The following PDE4D variants were observed in gnomAD, a reference collection of about 807,000 sequenced individuals.
The protein encoded by PDE4D is 3',5'-cyclic-AMP phosphodiesterase 4D.
A neutral mutation model predicts 87.4 loss-of-function variants in PDE4D; 24 were observed. The ratio of observed to expected loss-of-function variants is 0.27; its 90% CI spans 0.20 to 0.39. The LOEUF is 0.39. Ranked by LOEUF, PDE4D falls within the 10% of genes least tolerant of loss-of-function variation. The pLI is 1.00. For missense variants in PDE4D, 714 were observed against 1,041.0 expected, an observed-to-expected ratio of 0.69 and a Z score of 4.32; for synonymous variants, 384 against 383.2, an observed-to-expected ratio of 1.00 and a Z score of -0.02.
chr5:59,388,904 T>C lies in PDE4D; in HGVS notation c.456-172936A>G, dbSNP rs576259911. ...TGATTTGATCTATCTATATCAATCT[T>C]ATAAAATTGTGTGAGCATGAGGTTT... On this transcript the variant is annotated intron_variant, in intron 1 of 14. Transcript: ENST00000340635. 3.5e-4 allele frequency among the ~76,000 whole-genome samples: 53 copies of C among 152,244 alleles called. 1 individual carries two copies. In the South Asian group the frequency reaches 5.6e-3, roughly 16 times the overall value.
At chr5:59,573,449 C>G (rs1196830270) in intron 1 of PDE4D, among the ~76,000 whole-genome samples, 1 of 152,142 alleles carries the variant, frequency 6.6e-6, no homozygotes, top group Non-Finnish European at 1.5e-5. Flanking sequence ...ACCCCTCACC[C>G]ACCGAACCAC....
chr5:59,970,677 G>A (rs923777822), intron 3 of PDE4D, among the ~76,000 whole-genome samples: 1 of 150,292 alleles, frequency 6.7e-6, no homozygotes, highest in Non-Finnish European at 1.5e-5. Flanking sequence ...ACACCAGTTA[G>A]AATGGTGATC....
At chr5:60,042,913 C>G (rs927311164) in intron 2 of PDE4D, among the ~76,000 whole-genome samples, 2 of 152,006 alleles carry the variant, frequency 1.3e-5, no homozygotes, top group African/African-American at 4.8e-5. Context: ...AACTCCTCAC[C>G]AGCAAGGGAA....
intron 1 of PDE4D, among the ~76,000 whole-genome samples, chr5:59,691,486 T>C (rs534049509): frequency 2.6e-4 from 39 of 147,870 alleles, no homozygotes; most frequent in Non-Finnish European, 4.4e-4. Flanking sequence ...AACCAAACAC[T>C]GCATGTTCTC....
At chr5:59,773,191 C>T (rs1359755732) in intron 1 of PDE4D, among the ~76,000 whole-genome samples, 2 of 152,112 alleles carry the variant, frequency 1.3e-5, no homozygotes, top group African/African-American at 4.8e-5. Context: ...TGCAATCATA[C>T]TTAGGGTGTT....
At chr5:59,565,836 CAT>C (rs1169974200) in intron 1 of PDE4D, among the ~76,000 whole-genome samples, 1 of 152,076 alleles carries the variant, frequency 6.6e-6, no homozygotes, top group Non-Finnish European at 1.5e-5. Context: ...CACCTCCCCT[CAT>C]ATGAGAATTG....
chr5:59,702,394 G>A (rs1752708394), intron 1 of PDE4D, among the ~76,000 whole-genome samples: 1 of 152,040 alleles, frequency 6.6e-6, no homozygotes, highest in Non-Finnish European at 1.5e-5. Context: ...CCAAAGTGCT[G>A]GGATTACAGG....
intron 1 of PDE4D, among the ~76,000 whole-genome samples, chr5:60,361,366 TAATC>T (rs1270896531): frequency 3.9e-5 from 6 of 152,210 alleles, no homozygotes; most frequent in African/African-American, 7.2e-5. Context: ...CTGTGAAAAT[TAATC>T]AATCATTGAT....
At chr5:59,291,987 A>T (rs1768128096) in intron 1 of PDE4D, among the ~76,000 whole-genome samples, 1 of 152,046 alleles carries the variant, frequency 6.6e-6, no homozygotes, top group Non-Finnish European at 1.5e-5. Context: ...TTTTGCAAAA[A>T]AGTTGAGTCT....
chr5:59,369,187 T>C (rs1193666753), intron 1 of PDE4D, among the ~76,000 whole-genome samples: 1 of 152,196 alleles, frequency 6.6e-6, no homozygotes, highest in East Asian at 1.9e-4. Context: ...ATTGTATTCA[T>C]GTGGAAGAGA....
At chr5:59,437,982 C>T (rs1048764205) in intron 1 of PDE4D, among the ~76,000 whole-genome samples, 19 of 152,098 alleles carry the variant, frequency 1.2e-4, no homozygotes, top group African/African-American at 4.6e-4. Context: ...AGAATGAGTG[C>T]CAGCAGGGGA....
At chr5:60,132,797 C>T (rs906500936) in intron 2 of PDE4D, among the ~76,000 whole-genome samples, 1 of 151,922 alleles carries the variant, frequency 6.6e-6, no homozygotes, top group Non-Finnish European at 1.5e-5. Context: ...GCGGAGGTTG[C>T]AGTGAGCCGA....
At chr5:59,454,450 T>C (rs543714979) in intron 1 of PDE4D, among the ~76,000 whole-genome samples, 3 of 152,346 alleles carry the variant, frequency 2.0e-5, no homozygotes, top group East Asian at 1.9e-4. Flanking sequence ...CCGCCATCCA[T>C]GTAAGACGTG....
rs566469794 is a variant in PDE4D, at chr5:59,081,095, A to G, written c.809-42124T>C. ...AATGTATTTGACCAGAACAATGAGG[A>G]AAGAGCATAGAGTCCTGCTATCTTC... On this transcript the variant is annotated intron_variant, in intron 5 of 14. Transcript: ENST00000340635. Among the ~76,000 whole-genome samples the G allele has an allele frequency of 2.0e-5, 3 of 152,278 alleles. No homozygotes were observed. The South Asian group carries it at 6.2e-4, about 32-fold the overall frequency.
At chr5:60,505,922 G>T (rs1344012509) in intron 1 of PDE4D, among the ~76,000 whole-genome samples, 1 of 152,196 alleles carries the variant, frequency 6.6e-6, no homozygotes, top group Non-Finnish European at 1.5e-5. Context: ...TAAAAGTTAT[G>T]CTGCCTGTCT....
intron 2 of PDE4D, among the ~76,000 whole-genome samples, chr5:60,015,576 C>T (rs1438848541): frequency 6.6e-6 from 1 of 152,150 alleles, no homozygotes; most frequent in African/African-American, 2.4e-5. Context: ...TATATGTCAG[C>T]TTGGCTAGCC....
chr5:59,905,489 T>A (rs1421917903), intron 3 of PDE4D, among the ~76,000 whole-genome samples: 2 of 152,104 alleles, frequency 1.3e-5, no homozygotes, highest in Admixed American at 1.3e-4. Context: ...AAGTATGTCA[T>A]TTATCATGGT....
At position 60,138,036 on chromosome 5, in the gene PDE4D, T is replaced by C. The variant is rs370319025; in HGVS notation, c.42+47521A>G. On this transcript the variant is annotated intron_variant, in intron 2 of 16. Transcript: ENST00000502484. Reference sequence around the variant, plus strand: ...CGTTGTCCCAGCACCATTTATTGAATAGGGAATGATTTCCCCATTGCTTGT... The same window carrying C: ...CGTTGTCCCAGCACCATTTATTGAACAGGGAATGATTTCCCCATTGCTTGT... Among the ~76,000 whole-genome samples the C allele has an allele frequency of 2.2e-4, 33 of 152,306 alleles. No homozygotes were observed. The South Asian group carries it at 6.8e-3, about 32-fold the overall frequency.
chr5:60,514,074 AACTGATAAGCCCCTAGTGAG>A (rs1561325997), intron 1 of PDE4D, among the ~76,000 whole-genome samples: 1 of 151,942 alleles, frequency 6.6e-6, no homozygotes, highest in Non-Finnish European at 1.5e-5. Flanking sequence ...TGACTAATAA[AACTGATAAGCCCCTAGTGAG>A]ACTGACTGAT....
Sources: gnomAD v4.1 joint callset for allele counts (sites outside exome capture counted in the v4.1 genomes callset) on GRCh38, gnomAD v4.1.1 for gene constraint, MANE v1.5 for transcripts, NCBI Gene and HGNC (gene_info 2026-07-23, HGNC 2026-07-21) for gene names.